Variants in MSRA observed in about 807,000 individuals in gnomAD.
The protein encoded by MSRA is methionine sulfoxide reductase A, also known as mitochondrial peptide methionine sulfoxide reductase.
Under a neutral mutation model 31.3 loss-of-function variants are expected in MSRA, and 54 were observed. The observed-to-expected ratio is 1.73, with a 90% CI of 1.39 to 2.17. The LOEUF (loss-of-function observed/expected upper bound fraction) is 2.17, where lower values mean the gene tolerates loss of function less well. Among genes scored for constraint, MSRA ranks in the 30% most tolerant of loss-of-function variants. The pLI, the probability that MSRA is intolerant of heterozygous loss-of-function variation, is 0.00. For synonymous variants in MSRA, 169 were observed against 116.5 expected (o/e 1.45, Z -2.90); for missense variants, 507 against 300.9 (o/e 1.69, Z -5.07).
At chr8:10,308,537 T>G (rs184517170) in intron 4 of MSRA, among the ~76,000 whole-genome samples, 1 of 152,350 alleles carries the variant, frequency 6.6e-6, no homozygotes, top group Admixed American at 6.5e-5. Flanking sequence ...TGGCCCCCTC[T>G]GGCTTAAAGC....
chr8:10,143,246 C>A (rs530211395), intron 1 of MSRA, among the ~76,000 whole-genome samples: 1 of 152,046 alleles, frequency 6.6e-6, no homozygotes, highest in Non-Finnish European at 1.5e-5. Context: ...TCACATCACC[C>A]GAGACCAAGT....
At chr8:10,195,165 C>G (rs1807861782) in intron 1 of MSRA, among the ~76,000 whole-genome samples, 1 of 152,218 alleles carries the variant, frequency 6.6e-6, no homozygotes, top group African/African-American at 2.4e-5. Context: ...TGATGACTGT[C>G]TTTGTCCGTG....
chr8:10,416,695 T>C (rs1808481132), intron 5 of MSRA, among the ~76,000 whole-genome samples: 1 of 152,206 alleles, frequency 6.6e-6, no homozygotes, highest in Admixed American at 6.5e-5. Flanking sequence ...CACACTTGCC[T>C]GCAAGAGCAG....
At chr8:10,147,709 T>G (rs1422415191) in intron 1 of MSRA, among the ~76,000 whole-genome samples, 1 of 152,046 alleles carries the variant, frequency 6.6e-6, no homozygotes, top group East Asian at 1.9e-4. Flanking sequence ...AGAAGGGTGC[T>G]CAACCACCAG....
intron 2 of MSRA, among the ~76,000 whole-genome samples, chr8:10,242,192 A>G (rs1365168810): frequency 6.6e-6 from 1 of 151,140 alleles, no homozygotes; most frequent in Admixed American, 6.6e-5. Flanking sequence ...AATTGCTTGA[A>G]CCCGGGAGGT....
intron 1 of MSRA, among the ~76,000 whole-genome samples, chr8:10,078,068 A>G (rs1798083885): frequency 1.3e-5 from 2 of 152,256 alleles, no homozygotes; most frequent in South Asian, 2.1e-4. Context: ...CACAAAAAAT[A>G]AAAGTTTAAT....
intron 1 of MSRA, among the ~76,000 whole-genome samples, chr8:10,074,604 C>G (rs922517542): frequency 3.9e-5 from 6 of 152,098 alleles, no homozygotes; most frequent in African/African-American, 1.2e-4. Flanking sequence ...TTCCAGCTTG[C>G]TTGATCTCTC....
At chr8:10,372,450 A>G (rs2129170671) in intron 5 of MSRA, among the ~76,000 whole-genome samples, 1 of 152,316 alleles carries the variant, frequency 6.6e-6, no homozygotes, top group Admixed American at 6.5e-5. Context: ...TTTTATTTCC[A>G]TTCAGTAATG....
intron 1 of MSRA, among the ~76,000 whole-genome samples, chr8:10,147,456 T>A (rs1345353333): frequency 1.3e-5 from 2 of 152,122 alleles, no homozygotes; most frequent in Non-Finnish European, 2.9e-5. Flanking sequence ...GTGGCTGACT[T>A]CTCCCAAGGC....
intron 1 of MSRA, among the ~76,000 whole-genome samples, chr8:10,057,097 G>C (rs931417324): frequency 1.3e-5 from 2 of 152,188 alleles, no homozygotes; most frequent in African/African-American, 4.8e-5. Flanking sequence ...AACCTTCAAA[G>C]TTTTTCAGTG....
chr8:10,102,644 T>C (rs138577511), intron 1 of MSRA, among the ~76,000 whole-genome samples: 3,894 of 152,336 alleles, frequency 0.026, 44 homozygotes, highest in Non-Finnish European at 0.031. Context: ...TCCTGGTTCT[T>C]GGTATGATAA....
At chr8:10,126,495 C>T (rs1230826279) in intron 1 of MSRA, among the ~76,000 whole-genome samples, 1 of 152,032 alleles carries the variant, frequency 6.6e-6, no homozygotes, top group Non-Finnish European at 1.5e-5. Context: ...CATCATCAGG[C>T]ATTAGTTAGA....
intron 1 of MSRA, among the ~76,000 whole-genome samples, chr8:10,175,396 G>A (rs1196614863): frequency 3.3e-5 from 5 of 152,196 alleles, no homozygotes; most frequent in African/African-American, 1.2e-4. Context: ...CTGTTATCAA[G>A]TCACAACGAT....
chr8:10,211,393 G>A (rs924708051), intron 2 of MSRA, among the ~76,000 whole-genome samples: 10 of 152,034 alleles, frequency 6.6e-5, no homozygotes, highest in African/African-American at 2.2e-4. Context: ...CTTCCTCTGT[G>A]GCTCTCCCTC....
chr8:10,205,609 A>G (rs947574018), intron 1 of MSRA, among the ~76,000 whole-genome samples: 1 of 152,202 alleles, frequency 6.6e-6, no homozygotes, highest in Non-Finnish European at 1.5e-5. Flanking sequence ...ACTACTGTGG[A>G]AAAAATAGAA....
At chr8:10,313,699 T>C (rs543665582) in intron 4 of MSRA, among the ~76,000 whole-genome samples, 2 of 152,274 alleles carry the variant, frequency 1.3e-5, no homozygotes, top group Admixed American at 6.5e-5. Flanking sequence ...TCGACATTTA[T>C]AGGGAAATGC....
chr8:10,424,520 C>G (rs1345323044), intron 5 of MSRA, among the ~76,000 whole-genome samples: 1 of 137,730 alleles, frequency 7.3e-6, no homozygotes, highest in East Asian at 2.2e-4. Flanking sequence ...GGGAGAAGGG[C>G]CTGGGGTGGA....
intron 1 of MSRA, among the ~76,000 whole-genome samples, chr8:10,072,993 C>G (rs1277061543): frequency 2.0e-5 from 3 of 152,138 alleles, no homozygotes; most frequent in East Asian, 1.9e-4. Flanking sequence ...GAAGTTTTCT[C>G]ATAGACTTTT....
At chr8:10,099,160 C>T (rs1007863768) in intron 1 of MSRA, among the ~76,000 whole-genome samples, 2 of 152,222 alleles carry the variant, frequency 1.3e-5, no homozygotes, top group Non-Finnish European at 1.5e-5. Context: ...TTATTCCATG[C>T]AGTTGTTCTC....
Sources: gnomAD v4.1 joint callset for allele counts (sites outside exome capture counted in the v4.1 genomes callset) on GRCh38, gnomAD v4.1.1 for gene constraint, MANE v1.5 for transcripts, NCBI Gene and HGNC (gene_info 2026-07-23, HGNC 2026-07-21) for gene names.